SH3GL2: variants seen among roughly 807,000 people sequenced by gnomAD.
SH3GL2 encodes the protein endophilin-A1.
A neutral mutation model predicts 46.0 loss-of-function variants in SH3GL2; 24 were observed. That is an observed-to-expected ratio of 0.52 (90% confidence interval 0.38 to 0.73). The LOEUF is 0.73. Ranked by LOEUF, SH3GL2 falls within the 30% of genes least tolerant of loss-of-function variation. SH3GL2 has a pLI of 0.00. For synonymous variants in SH3GL2, 196 were observed against 147.1 expected, an observed-to-expected ratio of 1.33 and a Z score of -2.40; for missense variants, 413 against 424.2, an observed-to-expected ratio of 0.97 and a Z score of 0.23.
At chr9:17,625,324 T>C (rs1819257319) in intron 1 of SH3GL2, among the ~76,000 whole-genome samples, 1 of 152,190 alleles carries the variant, frequency 6.6e-6, no homozygotes, top group African/African-American at 2.4e-5. Flanking sequence ...GAAGCCCCAC[T>C]TTATATTGCT....
chr9:17,681,603 G>C (rs1416942268), intron 1 of SH3GL2, among the ~76,000 whole-genome samples: 1 of 151,224 alleles, frequency 6.6e-6, no homozygotes. Context: ...GAAAAACCTA[G>C]AAGAAAACCT....
At chr9:17,649,443 C>G (rs1219247427) in intron 1 of SH3GL2, among the ~76,000 whole-genome samples, 1 of 152,156 alleles carries the variant, frequency 6.6e-6, no homozygotes, top group Non-Finnish European at 1.5e-5. Context: ...ACAAATACTA[C>G]ATTCTGATTT....
intron 3 of SH3GL2, among the ~76,000 whole-genome samples, chr9:17,778,069 C>T (rs1026988291): frequency 6.6e-6 from 1 of 152,200 alleles, no homozygotes. Flanking sequence ...TAACATACTT[C>T]CATAACACAA....
intron 1 of SH3GL2, among the ~76,000 whole-genome samples, chr9:17,619,562 C>T (rs1187456765): frequency 6.6e-6 from 1 of 151,990 alleles, no homozygotes; most frequent in Non-Finnish European, 1.5e-5. Flanking sequence ...CCTGTAATCC[C>T]AGCTACTCGG....
At chr9:17,605,971 C>T (rs1172075650) in intron 1 of SH3GL2, among the ~76,000 whole-genome samples, 2 of 152,096 alleles carry the variant, frequency 1.3e-5, no homozygotes, top group Non-Finnish European at 2.9e-5. Flanking sequence ...CTCTGACACT[C>T]TATGCTTGGT....
chr9:17,580,079 A>G (rs1474436229), intron 1 of SH3GL2, among the ~76,000 whole-genome samples: 1 of 152,226 alleles, frequency 6.6e-6, no homozygotes, highest in East Asian at 1.9e-4. Flanking sequence ...TGATTAATTT[A>G]GATTCTAATA....
At chr9:17,684,780 G>T (rs922160151) in intron 1 of SH3GL2, among the ~76,000 whole-genome samples, 2 of 152,064 alleles carry the variant, frequency 1.3e-5, no homozygotes, top group African/African-American at 2.4e-5. Context: ...ATTAGGTAAG[G>T]TTACAGTGTT....
At chr9:17,697,017 G>T (rs1178128070) in intron 1 of SH3GL2, among the ~76,000 whole-genome samples, 1 of 150,688 alleles carries the variant, frequency 6.6e-6, no homozygotes, top group African/African-American at 2.4e-5. Flanking sequence ...ACTAAGTCCA[G>T]TGTTGGAACC....
At chr9:17,669,535 T>G (rs1820422413) in intron 1 of SH3GL2, among the ~76,000 whole-genome samples, 1 of 152,196 alleles carries the variant, frequency 6.6e-6, no homozygotes, top group Admixed American at 6.5e-5. Context: ...ATACAATCCT[T>G]AGGGATTGGC....
intron 3 of SH3GL2, among the ~76,000 whole-genome samples, chr9:17,768,187 C>A (rs1446860065): frequency 1.3e-5 from 2 of 151,748 alleles, no homozygotes; most frequent in African/African-American, 4.8e-5. Context: ...CTGGCTAACA[C>A]AGTGAAACTC....
intron 2 of SH3GL2, among the ~76,000 whole-genome samples, chr9:17,749,545 G>T (rs979280051): frequency 3.9e-5 from 6 of 152,270 alleles, no homozygotes; most frequent in African/African-American, 1.4e-4. Flanking sequence ...TTGGAACTAA[G>T]TACCAGGAAT....
intron 1 of SH3GL2, among the ~76,000 whole-genome samples, chr9:17,601,507 T>G (rs1301014923): frequency 1.3e-5 from 2 of 152,212 alleles, no homozygotes; most frequent in African/African-American, 4.8e-5. Context: ...AGTGGGTTTC[T>G]TTTATTTAGT....
chr9:17,783,294 A>G (rs1353260795), intron 3 of SH3GL2, among the ~76,000 whole-genome samples: 1 of 151,830 alleles, frequency 6.6e-6, no homozygotes, highest in Non-Finnish European at 1.5e-5. Context: ...AGCAAGACCT[A>G]GTGGTTTTCC....
intron 1 of SH3GL2, among the ~76,000 whole-genome samples, chr9:17,598,354 A>C (rs961305797): frequency 6.6e-6 from 1 of 152,234 alleles, no homozygotes; most frequent in Admixed American, 6.5e-5. Flanking sequence ...CTCCAGCTGG[A>C]ATAGTTTCTG....
intron 1 of SH3GL2, among the ~76,000 whole-genome samples, chr9:17,581,208 C>A (rs1818271170): frequency 6.6e-6 from 1 of 151,990 alleles, no homozygotes; most frequent in Non-Finnish European, 1.5e-5. Flanking sequence ...AAATAGAGCG[C>A]TCCATTTCCG....
At chr9:17,768,412 C>G (rs1270446917) in intron 3 of SH3GL2, among the ~76,000 whole-genome samples, 3 of 143,762 alleles carry the variant, frequency 2.1e-5, no homozygotes, top group Non-Finnish European at 3.0e-5. Flanking sequence ...TTAATCATAA[C>G]AAATATAGTA....
At chr9:17,622,276 G>T (rs1819160696) in intron 1 of SH3GL2, among the ~76,000 whole-genome samples, 1 of 152,150 alleles carries the variant, frequency 6.6e-6, no homozygotes, top group South Asian at 2.1e-4. Context: ...CCCCCAAACA[G>T]TCATCAACTA....
intron 3 of SH3GL2, among the ~76,000 whole-genome samples, chr9:17,774,536 A>T (rs973477535): frequency 6.8e-6 from 1 of 147,958 alleles, no homozygotes; most frequent in Non-Finnish European, 1.5e-5. Context: ...ATCAATTGAG[A>T]TGATCGTGTG....
At chr9:17,673,518 T>C (rs1323677007) in intron 1 of SH3GL2, among the ~76,000 whole-genome samples, 1 of 152,070 alleles carries the variant, frequency 6.6e-6, no homozygotes, top group East Asian at 1.9e-4. Context: ...TACGCAACCA[T>C]GATTTTCTTT....
Sources: allele counts gnomAD v4.1 joint callset (sites outside exome capture counted in the v4.1 genomes callset), GRCh38; gene constraint gnomAD v4.1.1; transcripts MANE v1.5; gene names NCBI Gene and HGNC (gene_info 2026-07-23, HGNC 2026-07-21).